HTR1F: variants seen among roughly 807,000 people sequenced by gnomAD.
HTR1F encodes 5-hydroxytryptamine receptor 1F.
In HTR1F, 17 loss-of-function variants were observed where a neutral mutation model predicts 24.0. The observed-to-expected ratio is 0.71, with a 90% CI of 0.48 to 1.06. HTR1F has a LOEUF of 1.06. Ranked by LOEUF, HTR1F falls within the 50% of genes least tolerant of loss-of-function variation. HTR1F has a pLI of 0.00. For missense variants in HTR1F, 391 were observed against 427.8 expected, an observed-to-expected ratio of 0.91 and a Z score of 0.76; for synonymous variants, 186 against 156.8, an observed-to-expected ratio of 1.19 and a Z score of -1.39.
chr3:87,842,711 C>A (rs1704836089), intron 2 of HTR1F, among the ~76,000 whole-genome samples: 1 of 151,872 alleles, frequency 6.6e-6, no homozygotes, highest in Admixed American at 6.6e-5. Flanking sequence ...GGAGGAGAAA[C>A]AAGAGACTAG....
At chr3:87,877,832 G>A (rs1233572435) in intron 2 of HTR1F, among the ~76,000 whole-genome samples, 1 of 152,180 alleles carries the variant, frequency 6.6e-6, no homozygotes, top group Non-Finnish European at 1.5e-5. Flanking sequence ...TTGTCTTTGG[G>A]TAAGGATAAG....
intron 2 of HTR1F, among the ~76,000 whole-genome samples, chr3:87,982,768 GTTTCCCA>G (rs1279879598): frequency 6.6e-6 from 1 of 152,154 alleles, no homozygotes; most frequent in Non-Finnish European, 1.5e-5. Context: ...GCCACTATGT[GTTTCCCA>G]TTTCCTTATC....
At chr3:87,932,497 C>A (rs1311481706) in intron 2 of HTR1F, among the ~76,000 whole-genome samples, 1 of 152,016 alleles carries the variant, frequency 6.6e-6, no homozygotes, top group African/African-American at 2.4e-5. Context: ...CAGCTTTGTT[C>A]TTTTGGCTTA....
At position 87,992,345 on chromosome 3, in the gene HTR1F, G is replaced by A. The variant is rs1055007091; in HGVS notation, c.*495G>A. On this transcript the variant is annotated 3_prime_UTR_variant, in exon 3 of 3. Transcript: ENST00000319595. ...CTTCTCCATCTTACCCTGAGCAAAA[G>A]GGAGGGGGAAGGAGCAACTCTTACT... 1 of 166,976 alleles carries A rather than the reference G, an allele frequency of 6.0e-6. No homozygotes were observed. The highest frequency in any genetic ancestry group is 6.6e-5 in the Admixed American group (1 of 15,254). 10.3% of individuals were successfully genotyped at this position (166,976 alleles called of 1,614,324 possible).
intron 2 of HTR1F, among the ~76,000 whole-genome samples, chr3:87,967,287 T>C (rs1705185255): frequency 6.6e-6 from 1 of 151,954 alleles, no homozygotes; most frequent in Admixed American, 6.6e-5. Flanking sequence ...CTGTCTCCAC[T>C]AAAAATACAA....
chr3:87,864,811 G>T (rs1163647361), intron 2 of HTR1F, among the ~76,000 whole-genome samples: 5 of 150,922 alleles, frequency 3.3e-5, no homozygotes, highest in African/African-American at 7.3e-5. Flanking sequence ...CAGGAGAATC[G>T]CTTGAACCTG....
At chr3:87,886,379 G>C (rs1047495682) in intron 2 of HTR1F, among the ~76,000 whole-genome samples, 1 of 152,054 alleles carries the variant, frequency 6.6e-6, no homozygotes, top group African/African-American at 2.4e-5. Context: ...CCCACAGCCA[G>C]TATCATACTG....
chr3:87,915,135 G>A (rs142058524), intron 2 of HTR1F, among the ~76,000 whole-genome samples: 9 of 152,200 alleles, frequency 5.9e-5, no homozygotes, highest in African/African-American at 9.6e-5. Context: ...AGGAAGCCAC[G>A]TCCATAGGAA....
intron 2 of HTR1F, among the ~76,000 whole-genome samples, chr3:87,946,776 C>G (rs1327330749): frequency 6.6e-6 from 1 of 152,066 alleles, no homozygotes; most frequent in Non-Finnish European, 1.5e-5. Flanking sequence ...CAGGCGCGTG[C>G]TACCACGCCC....
chr3:87,965,308 C>T (rs546393324), intron 2 of HTR1F, among the ~76,000 whole-genome samples: 4 of 152,176 alleles, frequency 2.6e-5, no homozygotes, highest in East Asian at 1.9e-4. Context: ...CATTTCTAAG[C>T]GAGTAATATT....
rs191311938 is a variant in HTR1F, at chr3:87,885,804, T to A, written c.-43+63680T>A. Among the ~76,000 whole-genome samples the A allele has an allele frequency of 4.6e-5, 7 of 152,142 alleles. No individual in the cohort carries two copies. In the East Asian group the frequency reaches 1.4e-3, roughly 29 times the overall value. On this transcript the variant is annotated intron_variant, in intron 2 of 2. Transcript: ENST00000319595. ...GACTAAACCAGGAAGAAGTTGAATC[T>A]CTGAATACACCAATAACAGGCTCTG... is the stretch of plus-strand genomic sequence containing the variant.
chr3:87,929,737 G>T (rs1418368061), intron 2 of HTR1F, among the ~76,000 whole-genome samples: 3 of 152,250 alleles, frequency 2.0e-5, no homozygotes, highest in Middle Eastern at 3.4e-3. Context: ...GTAACATCAT[G>T]CCTCCAGCTT....
intron 2 of HTR1F, among the ~76,000 whole-genome samples, chr3:87,924,268 A>G (rs962850442): frequency 6.6e-6 from 1 of 152,062 alleles, no homozygotes; most frequent in African/African-American, 2.4e-5. Flanking sequence ...TAGGTTTACC[A>G]ATTTGTTGAT....
chr3:87,912,864 G>A lies in HTR1F; in HGVS notation c.-42-77844G>A, dbSNP rs904107178. 5.3e-5 allele frequency among the ~76,000 whole-genome samples: 8 copies of A among 152,224 alleles called. No homozygotes were observed. In the South Asian group the frequency reaches 1.5e-3, roughly 28 times the overall value. On this transcript the variant is annotated intron_variant, in intron 2 of 2. Transcript: ENST00000319595. ...AAGGACTCCCTATTCAATAAATTGT[G>A]CTGGAATAACTGGCTAGTCATATGC...
At chr3:87,942,732 C>T (rs1012640792) in intron 2 of HTR1F, among the ~76,000 whole-genome samples, 3 of 145,354 alleles carry the variant, frequency 2.1e-5, no homozygotes, top group Admixed American at 1.3e-4. Context: ...ATGACTAAAG[C>T]GGTGGCCTTT....
At chr3:87,980,678 C>CA (rs1553684027) in intron 2 of HTR1F, among the ~76,000 whole-genome samples, 2 of 1,408 alleles carry the variant, frequency 1.4e-3, no homozygotes, top group African/African-American at 1.6e-3. Flanking sequence ...TCAGGCTGTA[C>CA]TGAGGGGCAT....
intron 1 of HTR1F, among the ~76,000 whole-genome samples, chr3:87,812,942 C>T (rs1575897220): frequency 1.3e-5 from 2 of 152,230 alleles, no homozygotes; most frequent in African/African-American, 2.4e-5. Flanking sequence ...GGAACCTCCA[C>T]CTATATTTCA....
At chr3:87,799,923 T>G (rs757067225) in intron 1 of HTR1F, among the ~76,000 whole-genome samples, 1 of 152,220 alleles carries the variant, frequency 6.6e-6, no homozygotes, top group Non-Finnish European at 1.5e-5. Flanking sequence ...TAGTCCATAT[T>G]CTATCAGAGA....
At chr3:87,987,003 G>C (rs1408006347) in intron 2 of HTR1F, among the ~76,000 whole-genome samples, 1 of 152,016 alleles carries the variant, frequency 6.6e-6, no homozygotes, top group East Asian at 1.9e-4. Flanking sequence ...CTACTTGGGA[G>C]GCTGAGGCAC....
Sources: allele counts gnomAD v4.1 joint callset (sites outside exome capture counted in the v4.1 genomes callset), GRCh38; gene constraint gnomAD v4.1.1; transcripts MANE v1.5; gene names NCBI Gene and HGNC (gene_info 2026-07-23, HGNC 2026-07-21).